ADD3: variants seen among roughly 807,000 people sequenced by gnomAD.
ADD3 encodes the protein adducin 3.
A neutral mutation model predicts 80.2 loss-of-function variants in ADD3; 25 were observed. The ratio of observed to expected loss-of-function variants is 0.31; its 90% CI spans 0.23 to 0.44. The LOEUF is 0.44. ADD3 is among the 20% of genes least tolerant of loss of function. ADD3 has a pLI of 1.00. For synonymous variants in ADD3, 284 were observed against 289.6 expected (o/e 0.98, Z 0.20); for missense variants, 829 against 847.5 (o/e 0.98, Z 0.27).
rs187762614 is a variant in ADD3 at position 110,133,972 on chromosome 10, A to G, written c.*354A>G. On this transcript the variant is annotated 3_prime_UTR_variant, in exon 15 of 15. Transcript: ENST00000356080. Reference sequence around the variant, plus strand: ...AGCAAGTGAGAATTTTTATTTCTCAATACCTGCTTCACTTGATAATCATAT... The same window carrying G: ...AGCAAGTGAGAATTTTTATTTCTCAGTACCTGCTTCACTTGATAATCATAT... 908 of 162,782 alleles carry G rather than the reference A, an allele frequency of 5.6e-3. 7 individuals are homozygous for G. Among genetic ancestry groups the G allele is most frequent in the African/African-American group, 0.021 (869 of 41,938 alleles). 10.1% of individuals were successfully genotyped at this position (162,782 alleles called of 1,614,324 possible).
At chr10:110,039,705 G>A (rs1856066273) in intron 1 of ADD3, among the ~76,000 whole-genome samples, 1 of 152,230 alleles carries the variant, frequency 6.6e-6, no homozygotes, top group Admixed American at 6.5e-5. Flanking sequence ...GAGCAGCTTT[G>A]CTGGGTTCTG....
intron 1 of ADD3, among the ~76,000 whole-genome samples, chr10:110,014,715 T>C (rs1398852366): frequency 3.3e-5 from 5 of 151,108 alleles, no homozygotes; most frequent in Non-Finnish European, 7.4e-5. Context: ...TTAGTAGAGA[T>C]GGGGTTTCTC....
At chr10:110,093,266 A>G (rs975440152) in intron 1 of ADD3, among the ~76,000 whole-genome samples, 2 of 152,182 alleles carry the variant, frequency 1.3e-5, no homozygotes, top group Admixed American at 6.5e-5. Flanking sequence ...TAGTTTAGAC[A>G]TGTTTATGTA....
chr10:110,088,311 T>C (rs1032723499), intron 1 of ADD3, among the ~76,000 whole-genome samples: 3 of 152,216 alleles, frequency 2.0e-5, no homozygotes, highest in African/African-American at 7.2e-5. Context: ...AAAAAGCAAG[T>C]TTTTGACAAA....
intron 1 of ADD3, among the ~76,000 whole-genome samples, chr10:110,072,906 C>A (rs1360536467): frequency 1.3e-5 from 2 of 152,114 alleles, no homozygotes; most frequent in East Asian, 3.9e-4. Context: ...TCACACAACT[C>A]TTACACCTTG....
intron 3 of ADD3, among the ~76,000 whole-genome samples, chr10:110,114,811 C>A (rs1284924283): frequency 6.6e-6 from 1 of 152,170 alleles, no homozygotes; most frequent in Admixed American, 6.5e-5. Context: ...GGCACAGTGG[C>A]TCATGTCTGT....
intron 1 of ADD3, among the ~76,000 whole-genome samples, chr10:110,008,880 C>T (rs1851983471): frequency 1.3e-5 from 2 of 152,292 alleles, no homozygotes; most frequent in South Asian, 4.2e-4. Flanking sequence ...ACCGCCCCTA[C>T]AAACGTATAC....
intron 1 of ADD3, among the ~76,000 whole-genome samples, chr10:109,998,402 A>T (rs1471908837): frequency 2.0e-5 from 3 of 152,184 alleles, no homozygotes; most frequent in Non-Finnish European, 4.4e-5. Context: ...TCTTCTCCAC[A>T]GCTACCCCTA....
At chr10:110,113,014 A>G in intron 3 of ADD3, 99 bp downstream of exon 3, 1 of 1,270,188 alleles carries the variant, frequency 7.9e-7, no homozygotes, top group South Asian at 1.4e-5. Flanking sequence ...TCAGTCCTTA[A>G]GTTTATAACA....
chr10:110,085,005 G>A (rs1846535781), intron 1 of ADD3, among the ~76,000 whole-genome samples: 1 of 152,134 alleles, frequency 6.6e-6, no homozygotes, highest in Non-Finnish European at 1.5e-5. Flanking sequence ...GTGGACTGGA[G>A]ACTTGGGTTG....
chr10:110,067,242 C>T (rs1210768129), intron 1 of ADD3, among the ~76,000 whole-genome samples: 3 of 152,070 alleles, frequency 2.0e-5, no homozygotes, highest in African/African-American at 4.8e-5. Context: ...AACTGTTAAA[C>T]GTGAAATCAA....
rs780415312 is a variant in ADD3 at position 110,132,371 on chromosome 10, C to T, written c.1799C>T (p.Ser600Leu). Residue 600 changes from serine (S) to leucine (L), a missense_variant, in exon 14 of 15, where the codon TCA becomes TTA. Physicochemically the swap from Ser to Leu is moderately radical, Grantham distance 145. Coordinates refer to ENST00000356080, the MANE Select transcript of ADD3 (RefSeq NM_016824.5). ...TCACAAATTCAGTCTCAAACTCAGT[C>T]ACCGCAAAATGTCCCTGAAAAATTA... ...SVSQIQSQTQ[S>L]PQNVPEKLEE... 9 of 1,613,504 alleles carry T rather than the reference C, an allele frequency of 5.6e-6. No individual in the cohort carries two copies. The South Asian group carries it at 9.9e-5, about 18-fold the overall frequency.
In ADD3 at chr10:110,135,008, C is replaced by T. The variant is rs576626076; in HGVS notation, c.*1390C>T. 2.6e-5 allele frequency: 4 copies of T among 152,196 alleles called. No homozygotes were observed. Among genetic ancestry groups the T allele is most frequent in the African/African-American group, 7.2e-5 (3 of 41,518 alleles). The allele number at this position is 152,196 out of a possible 1,614,324, so 9.4% of individuals were successfully genotyped here. A position where few individuals can be genotyped will look rare whatever the true frequency, so the allele number is the denominator to read the frequency against. ...CTTTCACCCAAGTGATGTCACAGTT[C>T]GATGCAAAATCAATGATCCAGAATG... On this transcript the variant is annotated 3_prime_UTR_variant, in exon 15 of 15. Transcript: ENST00000356080.
chr10:110,102,140 A>C (rs570561034), intron 2 of ADD3, among the ~76,000 whole-genome samples: 1 of 152,360 alleles, frequency 6.6e-6, no homozygotes, highest in African/African-American at 2.4e-5. Context: ...CACTTTAAAG[A>C]AACTCTTTCC....
At position 110,098,863 on chromosome 10, in the gene ADD3, T is replaced by G. The variant is rs549823452; in HGVS notation, c.-29-1762T>G. Among the ~76,000 whole-genome samples the G allele has an allele frequency of 7.9e-4, 120 of 152,190 alleles. 1 individual carries two copies. The highest frequency in any genetic ancestry group is 2.8e-3 in the African/African-American group (117 of 41,512). On this transcript the variant is annotated intron_variant, in intron 1 of 14. Transcript: ENST00000356080. Reference sequence around the variant, plus strand: ...CCAGGCTGGTCTCGAACTCCTGACCTCGTGATCTGCCCCCTTGGCCTCCCA... The same window carrying G: ...CCAGGCTGGTCTCGAACTCCTGACCGCGTGATCTGCCCCCTTGGCCTCCCA...
intron 1 of ADD3, among the ~76,000 whole-genome samples, chr10:110,091,097 C>A (rs1847449011): frequency 6.6e-6 from 1 of 152,120 alleles, no homozygotes; most frequent in Non-Finnish European, 1.5e-5. Flanking sequence ...GGTTTGATAG[C>A]CATGGAAGAC....
intron 4 of ADD3, 48 bp from the exon 5 acceptor site, chr10:110,117,294 C>A: frequency 1.0e-6 from 1 of 991,558 alleles, no homozygotes; most frequent in Non-Finnish European, 1.6e-6. Flanking sequence ...GTTTCCACTG[C>A]AAAATATGAA....
chr10:110,091,727 CA>C (rs1398044740), intron 1 of ADD3, among the ~76,000 whole-genome samples: 3 of 151,500 alleles, frequency 2.0e-5, no homozygotes, highest in Non-Finnish European at 4.4e-5. Flanking sequence ...AAAGCAATTG[CA>C]AAAAAACAAA....
chr10:110,099,402 C>G (rs1326585497), intron 1 of ADD3, among the ~76,000 whole-genome samples: 1 of 152,178 alleles, frequency 6.6e-6, no homozygotes, highest in Non-Finnish European at 1.5e-5. Context: ...TACCCCTTCT[C>G]CCTTCCGTTT....
Sources: gnomAD v4.1 joint callset for allele counts (sites outside exome capture counted in the v4.1 genomes callset) on GRCh38, gnomAD v4.1.1 for gene constraint, MANE v1.5 for transcripts, NCBI Gene and HGNC (gene_info 2026-07-23, HGNC 2026-07-21) for gene names.